The following VAT1L variants were observed in gnomAD, a reference collection of about 807,000 sequenced individuals.
VAT1L encodes the protein putative NADPH-dependent quinone oxidoreductase VAT1L.
In VAT1L, 34 loss-of-function variants were observed where a neutral mutation model predicts 44.1. That is an observed-to-expected ratio of 0.77 (90% CI 0.59 to 1.03). The LOEUF (loss-of-function observed/expected upper bound fraction) is 1.03, where lower values mean the gene tolerates loss of function less well. Ranked by LOEUF, VAT1L falls within the 50% of genes least tolerant of loss-of-function variation. The pLI is 0.00. For synonymous variants in VAT1L, 253 were observed against 202.2 expected (o/e 1.25, Z -2.13); for missense variants, 615 against 538.8 (o/e 1.14, Z -1.40).
intron 1 of VAT1L, among the ~76,000 whole-genome samples, chr16:77,815,968 C>CAA (rs57312031): frequency 0.14 from 4,563 of 32,644 alleles, 472 homozygotes; most frequent in Non-Finnish European, 0.19. Flanking sequence ...AACTCTGTCT[C>CAA]AAAAAAAAAA....
At chr16:77,856,442 A>G (rs1048668819) in intron 3 of VAT1L, among the ~76,000 whole-genome samples, 6 of 152,134 alleles carry the variant, frequency 3.9e-5, no homozygotes, top group Non-Finnish European at 8.8e-5. Context: ...CCCAATCTCA[A>G]AACTGTTATA....
chr16:77,869,530 G>T (rs1258754583), intron 4 of VAT1L, among the ~76,000 whole-genome samples: 1 of 152,162 alleles, frequency 6.6e-6, no homozygotes, highest in Non-Finnish European at 1.5e-5. Context: ...TTCGCTGGGT[G>T]TAGTGGTGTA....
chr16:77,917,752 A>G (rs377377240), intron 7 of VAT1L, among the ~76,000 whole-genome samples: 11 of 152,274 alleles, frequency 7.2e-5, no homozygotes, highest in African/African-American at 2.2e-4. Context: ...AGAATGTAAG[A>G]GAGATTATTA....
intron 8 of VAT1L, 61 bp from the exon 9 acceptor site, chr16:77,977,536 T>C: frequency 6.5e-7 from 1 of 1,543,496 alleles, no homozygotes; most frequent in Non-Finnish European, 8.9e-7. Context: ...CTCTGTCAGA[T>C]GCTCAGAGAT....
intron 7 of VAT1L, among the ~76,000 whole-genome samples, chr16:77,913,805 G>C (rs904828214): frequency 3.3e-5 from 5 of 152,288 alleles, no homozygotes; most frequent in Admixed American, 2.6e-4. Context: ...TAAGATCCTA[G>C]TCAGACATAG....
At chr16:77,874,017 A>C (rs1009858389) in intron 4 of VAT1L, among the ~76,000 whole-genome samples, 2 of 152,178 alleles carry the variant, frequency 1.3e-5, no homozygotes, top group Admixed American at 6.5e-5. Flanking sequence ...CAACAGGTCA[A>C]GGTGGGACTA....
intron 7 of VAT1L, among the ~76,000 whole-genome samples, chr16:77,940,439 G>A (rs1206173356): frequency 6.7e-6 from 1 of 149,978 alleles, no homozygotes; most frequent in Non-Finnish European, 1.5e-5. Flanking sequence ...TGCCTCCCGG[G>A]TTCAAGCGAT....
intron 1 of VAT1L, among the ~76,000 whole-genome samples, chr16:77,798,648 G>A (rs1567466150): frequency 6.6e-6 from 1 of 152,090 alleles, no homozygotes; most frequent in Non-Finnish European, 1.5e-5. Context: ...TTTCTGAATG[G>A]AGTCCCTCAT....
chr16:77,832,693 G>A (rs1281429039), intron 3 of VAT1L, among the ~76,000 whole-genome samples: 2 of 152,174 alleles, frequency 1.3e-5, no homozygotes, highest in African/African-American at 4.8e-5. Flanking sequence ...AATTCTATTC[G>A]TTATGGATGA....
chr16:77,955,146 G>T (rs1185259647), intron 7 of VAT1L, among the ~76,000 whole-genome samples: 4 of 152,196 alleles, frequency 2.6e-5, no homozygotes, highest in African/African-American at 7.2e-5. Context: ...ACTGAGATGG[G>T]GCAGGTGCAT....
chr16:77,865,644 G>A (rs1195851053), intron 4 of VAT1L, among the ~76,000 whole-genome samples: 1 of 152,204 alleles, frequency 6.6e-6, no homozygotes, highest in African/African-American at 2.4e-5. Flanking sequence ...CAGAAACACT[G>A]TCAATCGCAG....
rs113454332 is a variant in VAT1L at position 77,880,624 on chromosome 16, A to AG, written c.882+1400_882+1401insG. Among the ~76,000 whole-genome samples the AG allele has an allele frequency of 1.9e-4, 7 of 36,100 alleles. 1 individual carries two copies. Among genetic ancestry groups the AG allele is most frequent in the African/African-American group, 7.5e-4 (7 of 9,356 alleles). 23.7% of individuals were successfully genotyped at this position (36,100 alleles called of 152,430 possible). A position where few individuals can be genotyped will look rare whatever the true frequency, so the allele number is the denominator to read the frequency against. ...TTTTTTTTTTTTTTTAGTAATTTCAACTTTTTAGATTCAGGAGGTACCTGT... is the reference window on the plus strand; with the variant it reads ...TTTTTTTTTTTTTTTAGTAATTTCAAGCTTTTTAGATTCAGGAGGTACCTGT... On this transcript the variant is annotated intron_variant, in intron 6 of 8. Coordinates refer to ENST00000302536, the MANE Select transcript of VAT1L (RefSeq NM_020927.3).
chr16:77,823,648 C>T (rs905028033), intron 2 of VAT1L, among the ~76,000 whole-genome samples: 4 of 152,144 alleles, frequency 2.6e-5, no homozygotes, highest in African/African-American at 9.7e-5. Context: ...GATTAACTGA[C>T]AAAATGAAGA....
intron 4 of VAT1L, among the ~76,000 whole-genome samples, chr16:77,875,202 A>G (rs910418944): frequency 6.6e-6 from 1 of 152,130 alleles, no homozygotes; most frequent in Non-Finnish European, 1.5e-5. Context: ...TTTGGACATG[A>G]CATGAGGGCT....
At chr16:77,911,822 G>T in intron 7 of VAT1L, among the ~76,000 whole-genome samples, 1 of 152,236 alleles carries the variant, frequency 6.6e-6, no homozygotes, top group East Asian at 1.9e-4. Context: ...CTCTGGCATA[G>T]AACTCGGGAG....
At chr16:77,836,000 T>C (rs1407009780) in intron 3 of VAT1L, among the ~76,000 whole-genome samples, 1 of 152,154 alleles carries the variant, frequency 6.6e-6, no homozygotes, top group Non-Finnish European at 1.5e-5. Context: ...CCCAGCTCCA[T>C]CTTCCTAACC....
intron 8 of VAT1L, among the ~76,000 whole-genome samples, chr16:77,975,953 G>A (rs778676744): frequency 2.0e-5 from 3 of 152,156 alleles, no homozygotes; most frequent in Non-Finnish European, 4.4e-5. Flanking sequence ...CACTGCTGTA[G>A]AACAGAACTA....
intron 2 of VAT1L, among the ~76,000 whole-genome samples, chr16:77,817,350 T>C (rs1324322683): frequency 1.3e-5 from 2 of 152,192 alleles, no homozygotes; most frequent in East Asian, 1.9e-4. Context: ...TAAGTGTGCA[T>C]AGCCCCTTCC....
At position 77,788,862 on chromosome 16, in the gene VAT1L, G is replaced by A; in HGVS notation, c.180G>A (p.Arg60=). The A allele has an allele frequency of 6.3e-7, 1 of 1,575,884 alleles. No homozygotes were observed. Among genetic ancestry groups the A allele is most frequent in the Non-Finnish European group, 8.6e-7 (1 of 1,162,348 alleles). The change falls in exon 1 of 9, where the codon AGG becomes AGA. Residue 60 remains arginine (R), a synonymous_variant. Transcript: ENST00000302536. ...GGCTCAACAAGCTGCGGCTCTTCAG[G>A]AAGGCCATGCCCGAGCCTCAGGACG... ...FGGLNKLRLF[R]KAMPEPQDGE...
Sources: allele counts gnomAD v4.1 joint callset (sites outside exome capture counted in the v4.1 genomes callset), GRCh38; gene constraint gnomAD v4.1.1; transcripts MANE v1.5; gene names NCBI Gene and HGNC (gene_info 2026-07-23, HGNC 2026-07-21).